The following FERMT2 variants were observed in gnomAD, a reference collection of about 807,000 sequenced individuals.
FERMT2 encodes the protein fermitin family homolog 2.
FERMT2 carries 15 observed loss-of-function variants against 82.7 expected under a neutral mutation model. The observed-to-expected ratio is 0.18, with a 90% CI of 0.12 to 0.28. FERMT2 has a LOEUF of 0.28. FERMT2 is among the 10% of genes least tolerant of loss of function. The pLI, the probability that FERMT2 is intolerant of heterozygous loss-of-function variation, is 1.00. For synonymous variants in FERMT2, 274 were observed against 271.5 expected (o/e 1.01, Z -0.09); for missense variants, 645 against 809.4 (o/e 0.80, Z 2.46).
At chr14:52,945,655 T>C (rs1225096567) in intron 2 of FERMT2, among the ~76,000 whole-genome samples, 4 of 152,204 alleles carry the variant, frequency 2.6e-5, no homozygotes, top group African/African-American at 9.6e-5. Flanking sequence ...TGACTTGATC[T>C]AACCCAACTT....
rs902682125 is a variant in FERMT2, at chr14:52,860,788, C to T, written c.1603-323G>A. 22 of 581,602 alleles carry T rather than the reference C, an allele frequency of 3.8e-5. 1 individual carries two copies. The highest frequency in any genetic ancestry group is 1.1e-4 in the Admixed American group (3 of 27,950). The allele number at this position is 581,602 out of a possible 1,614,324, so 36.0% of individuals were successfully genotyped here. A position where few individuals can be genotyped will look rare whatever the true frequency, so the allele number is the denominator to read the frequency against. ...AACAGCACATTCTAATCCACATATACACGAGTTTTAATTAAATTTAGCACT... is the reference window on the plus strand; with the variant it reads ...AACAGCACATTCTAATCCACATATATACGAGTTTTAATTAAATTTAGCACT... On this transcript the variant is annotated intron_variant, in intron 12 of 14. Transcript: ENST00000341590.
intron 2 of FERMT2, among the ~76,000 whole-genome samples, chr14:52,935,288 T>C (rs889191354): frequency 6.6e-6 from 1 of 152,134 alleles, no homozygotes; most frequent in Non-Finnish European, 1.5e-5. Flanking sequence ...CCCCATTCCA[T>C]TTTAGGTTAA....
chr14:52,914,695 G>A (rs954458814), intron 3 of FERMT2, among the ~76,000 whole-genome samples: 3 of 152,142 alleles, frequency 2.0e-5, no homozygotes, highest in East Asian at 1.9e-4. Context: ...CGAGGCAGGC[G>A]GATCCCCTGA....
intron 3 of FERMT2, among the ~76,000 whole-genome samples, chr14:52,918,805 T>C (rs990655280): frequency 1.3e-5 from 2 of 152,204 alleles, no homozygotes; most frequent in African/African-American, 4.8e-5. Context: ...AAATAGTGAC[T>C]TATGTGAAGG....
intron 3 of FERMT2, among the ~76,000 whole-genome samples, chr14:52,898,978 T>C (rs570118623): frequency 4.6e-5 from 7 of 152,322 alleles, no homozygotes; most frequent in Non-Finnish European, 8.8e-5. Context: ...GTCACTGTAC[T>C]ACATGATTCA....
At chr14:52,862,913 T>C (rs1164612770) in intron 12 of FERMT2, 1 of 152,214 alleles carries the variant, frequency 6.6e-6, no homozygotes, top group Non-Finnish European at 1.5e-5. Context: ...GTGAAAACAA[T>C]GTGTGGCAGC....
At chr14:52,926,149 A>AC (rs145484742) in intron 2 of FERMT2, among the ~76,000 whole-genome samples, 16 of 152,050 alleles carry the variant, frequency 1.1e-4, no homozygotes, top group Middle Eastern at 3.4e-3. Flanking sequence ...TGATGACTTT[A>AC]AAATACTTAC....
In FERMT2 at chr14:52,892,456, G is replaced by GTTTTTTGC. The variant is rs3068969; in HGVS notation, c.526+836_526+837insGCAAAAAA. Among the ~76,000 whole-genome samples the GTTTTTTGC allele has an allele frequency of 5.2e-5, 7 of 133,390 alleles. No individual in the cohort carries two copies. In the Admixed American group the frequency reaches 5.3e-4, roughly 10 times the overall value. 87.5% of individuals were successfully genotyped at this position (133,390 alleles called of 152,430 possible). ...AGTACCCCGCCTGGTGCTGTTTTTT[G>GTTTTTTGC]TTTTTTTTTTTTTTTGAGATGGAGT... On this transcript the variant is annotated intron_variant, in intron 4 of 14. Transcript: ENST00000341590.
intron 7 of FERMT2, among the ~76,000 whole-genome samples, chr14:52,876,205 C>T: frequency 6.6e-6 from 1 of 152,110 alleles, no homozygotes; most frequent in East Asian, 1.9e-4. Context: ...TAATCTGAGG[C>T]CACTTACCAA....
intron 2 of FERMT2, among the ~76,000 whole-genome samples, chr14:52,945,742 G>C (rs1352272499): frequency 6.6e-6 from 1 of 152,142 alleles, no homozygotes; most frequent in East Asian, 1.9e-4. Context: ...TGCTCACAGA[G>C]CTGGCTGGAG....
intron 2 of FERMT2, among the ~76,000 whole-genome samples, chr14:52,944,829 G>A (rs756357847): frequency 6.6e-6 from 1 of 152,032 alleles, no homozygotes; most frequent in Admixed American, 6.5e-5. Flanking sequence ...TATATGGCAA[G>A]AACATGACAC....
chr14:52,923,651 T>C (rs957192), intron 2 of FERMT2, among the ~76,000 whole-genome samples: 123,537 of 151,588 alleles, frequency 0.81, 50,715 homozygotes, highest in East Asian at 1. Context: ...GAGAAGGGGA[T>C]AGGATCCAAA....
At chr14:52,932,169 A>C (rs1889618720) in intron 2 of FERMT2, among the ~76,000 whole-genome samples, 1 of 152,252 alleles carries the variant, frequency 6.6e-6, no homozygotes, top group African/African-American at 2.4e-5. Flanking sequence ...CATATGTAGG[A>C]ATTAGGATTT....
chr14:52,936,691 T>C (rs1889851422), intron 2 of FERMT2, among the ~76,000 whole-genome samples: 1 of 151,942 alleles, frequency 6.6e-6, no homozygotes, highest in Admixed American at 6.6e-5. Context: ...TACCCACATC[T>C]CCTCCCATTT....
intron 3 of FERMT2, among the ~76,000 whole-genome samples, chr14:52,916,685 C>A (rs1888633716): frequency 6.6e-6 from 1 of 152,148 alleles, no homozygotes; most frequent in South Asian, 2.1e-4. Context: ...ACTACTGTCA[C>A]TGAGTGATAA....
intron 10 of FERMT2, among the ~76,000 whole-genome samples, chr14:52,865,125 C>G (rs1885192586): frequency 6.6e-6 from 1 of 152,080 alleles, no homozygotes; most frequent in South Asian, 2.1e-4. Context: ...GAGTTTGAGA[C>G]CAGCTGACCA....
chr14:52,887,755 C>T (rs978638359), intron 4 of FERMT2, among the ~76,000 whole-genome samples: 1 of 151,876 alleles, frequency 6.6e-6, no homozygotes, highest in African/African-American at 2.4e-5. Context: ...ACCTTTGTGA[C>T]CTTGGGAAAA....
intron 3 of FERMT2, among the ~76,000 whole-genome samples, chr14:52,909,294 A>T (rs1000247767): frequency 6.6e-6 from 1 of 152,170 alleles, no homozygotes; most frequent in Non-Finnish European, 1.5e-5. Flanking sequence ...TACTCAACCC[A>T]CGTATGCCTG....
chr14:52,919,371 C>T lies in FERMT2; in HGVS notation c.158-15G>A, dbSNP rs1211833444. The T allele has an allele frequency of 3.9e-6, 6 of 1,540,456 alleles. No individual in the cohort carries two copies. In the Admixed American group the frequency reaches 5.9e-5, roughly 15 times the overall value. On this transcript the variant is annotated splice_polypyrimidine_tract_variant and intron_variant, in intron 2 of 14. Coordinates refer to ENST00000341590, the MANE Select transcript of FERMT2 (RefSeq NM_006832.3). ...TTTTTTTACATCTATAAAAAACAAA[C>T]AATAAACAAATCACTTAAAAATCAC...
Sources: gnomAD v4.1 joint callset for allele counts (sites outside exome capture counted in the v4.1 genomes callset) on GRCh38, gnomAD v4.1.1 for gene constraint, MANE v1.5 for transcripts, NCBI Gene and HGNC (gene_info 2026-07-23, HGNC 2026-07-21) for gene names.